CCDC88A: variants seen among roughly 807,000 people sequenced by gnomAD.
CCDC88A encodes the protein girdin.
In CCDC88A, 54 loss-of-function variants were observed where a neutral mutation model predicts 234.3. The ratio of observed to expected loss-of-function variants is 0.23; its 90% CI spans 0.19 to 0.29. The LOEUF is 0.29. Ranked by LOEUF, CCDC88A falls within the 10% of genes least tolerant of loss-of-function variation. The pLI, the probability that CCDC88A is intolerant of heterozygous loss-of-function variation, is 1.00. For synonymous variants in CCDC88A, 753 were observed against 737.8 expected, an observed-to-expected ratio of 1.02 and a Z score of -0.33; for missense variants, 1,832 against 2,123.4, an observed-to-expected ratio of 0.86 and a Z score of 2.70.
chr2:55,331,123 A>G (rs1008716217), intron 16 of CCDC88A, among the ~76,000 whole-genome samples: 12 of 152,246 alleles, frequency 7.9e-5, no homozygotes, highest in African/African-American at 9.6e-5. Flanking sequence ...GTAGCACTAC[A>G]GGGTGTATTC....
intron 13 of CCDC88A, chr2:55,337,546 A>G (rs1574166312): frequency 6.6e-6 from 1 of 152,228 alleles, no homozygotes; most frequent in Non-Finnish European, 1.5e-5. Flanking sequence ...GTCAATAATG[A>G]AGCACTCTAA....
intron 18 of CCDC88A, among the ~76,000 whole-genome samples, chr2:55,320,004 T>C (rs538961298): frequency 3.8e-4 from 58 of 152,296 alleles, no homozygotes; most frequent in African/African-American, 1.3e-3. Context: ...TGCATGTCAC[T>C]GTGTAAAAGG....
In CCDC88A at chr2:55,317,295, G is replaced by T; in HGVS notation, c.3657C>A (p.Leu1219=). ...KGQLEDLEKM[L]KVEQEKMLLE... is the part of the protein sequence containing the mutation. ...GCAGCATTTTTTCCTGTTCTACTTT[G>T]AGCATTTTTTCCAAATCTTCCAACT... Residue 1219 remains leucine, a synonymous_variant, in exon 21 of 33, where the codon CTC becomes CTA. Coordinates refer to ENST00000436346, the MANE Select transcript of CCDC88A (RefSeq NM_001365480.1). The surrounding 1 kb of genome is among the most constrained non-coding windows in gnomAD (Gnocchi z 4.2). The T allele has an allele frequency of 1.3e-6, 2 of 1,542,758 alleles. No individual in the cohort carries two copies. The highest frequency in any genetic ancestry group is 2.3e-5 in the East Asian group (1 of 43,070).
At chr2:55,351,155 G>C (rs59634508) in intron 8 of CCDC88A, among the ~76,000 whole-genome samples, 11,970 of 151,946 alleles carry the variant, frequency 0.079, 721 homozygotes, top group East Asian at 0.31. Flanking sequence ...GCCCAGCCTT[G>C]CTTTGAACTC....
At chr2:55,316,828 C>G (rs1364722966) in intron 21 of CCDC88A, 2 of 152,394 alleles carry the variant, frequency 1.3e-5, no homozygotes, top group African/African-American at 4.8e-5. Flanking sequence ...CTTTGCCTCT[C>G]AGGTTTAAGC....
intron 29 of CCDC88A, 116 bp from the exon 30 acceptor site, chr2:55,296,639 A>C (rs1381568630): frequency 2.1e-6 from 2 of 971,280 alleles, no homozygotes; most frequent in East Asian, 4.9e-5. Context: ...TTTACTTTCA[A>C]GCTTTATTTA....
At chr2:55,396,818 C>A (rs903265319) in intron 2 of CCDC88A, among the ~76,000 whole-genome samples, 1 of 144,260 alleles carries the variant, frequency 6.9e-6, no homozygotes, top group East Asian at 2.1e-4. Flanking sequence ...TGCAGTGAGC[C>A]GAGATCACGC....
intron 2 of CCDC88A, among the ~76,000 whole-genome samples, chr2:55,402,722 A>C (rs932398124): frequency 3.9e-5 from 6 of 151,900 alleles, no homozygotes; most frequent in East Asian, 1.9e-4. Context: ...AAAAAAAAAA[A>C]AAACCGGCCA....
At chr2:55,381,747 T>A (rs188824397) in intron 3 of CCDC88A, among the ~76,000 whole-genome samples, 1 of 152,272 alleles carries the variant, frequency 6.6e-6, no homozygotes, top group East Asian at 1.9e-4. Flanking sequence ...TATCCATAAT[T>A]CTTTCTTCAC....
intron 3 of CCDC88A, among the ~76,000 whole-genome samples, chr2:55,383,330 C>A (rs1674916959): frequency 6.6e-6 from 1 of 151,944 alleles, no homozygotes; most frequent in Admixed American, 6.6e-5. Flanking sequence ...TCAAAATGTA[C>A]TAAAATGGCC....
intron 2 of CCDC88A, among the ~76,000 whole-genome samples, chr2:55,396,668 A>G (rs1677632202): frequency 6.6e-6 from 1 of 152,070 alleles, no homozygotes; most frequent in Non-Finnish European, 1.5e-5. Flanking sequence ...CTGGAGATCG[A>G]GACCATCCTG....
At chr2:55,299,476 CTA>C (rs1207792198) in intron 29 of CCDC88A, among the ~76,000 whole-genome samples, 1 of 152,014 alleles carries the variant, frequency 6.6e-6, no homozygotes, top group Non-Finnish European at 1.5e-5. Context: ...AAACATATTT[CTA>C]AAATATGAGT....
chr2:55,380,650 C>T (rs1674440596), intron 3 of CCDC88A, among the ~76,000 whole-genome samples: 1 of 152,148 alleles, frequency 6.6e-6, no homozygotes, highest in Non-Finnish European at 1.5e-5. Flanking sequence ...GAGTCTTGCT[C>T]TGTCACCCAG....
intron 2 of CCDC88A, among the ~76,000 whole-genome samples, chr2:55,414,718 A>C (rs1681060453): frequency 6.6e-6 from 1 of 152,058 alleles, no homozygotes; most frequent in Admixed American, 6.6e-5. Flanking sequence ...CAGAGTCATT[A>C]AATTAATCAA....
chr2:55,380,614 A>C (rs1420470124), intron 3 of CCDC88A, among the ~76,000 whole-genome samples: 2 of 151,996 alleles, frequency 1.3e-5, no homozygotes, highest in African/African-American at 4.8e-5. Flanking sequence ...CATTTTTAAA[A>C]ATTTTTTCTT....
At chr2:55,417,449 TAGTC>T (rs1463097583) in intron 2 of CCDC88A, 2 of 152,106 alleles carry the variant, frequency 1.3e-5, no homozygotes, top group East Asian at 3.9e-4. Flanking sequence ...GCTTAGGAAA[TAGTC>T]AGATATTTTG....
At position 55,335,851 on chromosome 2, in the gene CCDC88A, T is replaced by A. The variant is rs181216782; in HGVS notation, c.1657-687A>T. Among the ~76,000 whole-genome samples, 26 of 152,290 alleles carry A rather than the reference T, an allele frequency of 1.7e-4. No homozygotes were observed. The highest frequency in any genetic ancestry group is 2.9e-4 in the Non-Finnish European group (20 of 68,026). ...CTAAAGAAACCTTCATTTTTATGGC[T>A]GGTCTGAGGACTGTACCTGGATGAT... On this transcript the variant is annotated intron_variant, in intron 14 of 32. Coordinates refer to ENST00000436346, the MANE Select transcript of CCDC88A (RefSeq NM_001365480.1). The surrounding 1 kb of genome is among the most constrained non-coding windows in gnomAD (Gnocchi z 4.5).
intron 2 of CCDC88A, chr2:55,399,772 T>C (rs755590183): frequency 4.6e-5 from 7 of 152,208 alleles, no homozygotes; most frequent in Non-Finnish European, 5.9e-5. Flanking sequence ...TATCTCTGCA[T>C]AGAATTCGAT....
intron 18 of CCDC88A, among the ~76,000 whole-genome samples, chr2:55,321,320 A>G (rs944326305): frequency 6.6e-6 from 1 of 152,102 alleles, no homozygotes; most frequent in African/African-American, 2.4e-5. Flanking sequence ...TGGGATGCCA[A>G]GGTGGGCGGA....
Sources: allele counts gnomAD v4.1 joint callset (sites outside exome capture counted in the v4.1 genomes callset), GRCh38; gene constraint gnomAD v4.1.1; non-coding constraint Gnocchi (gnomAD v3.1); transcripts MANE v1.5; gene names NCBI Gene and HGNC (gene_info 2026-07-23, HGNC 2026-07-21).